The following SMS variants were observed in gnomAD, a reference collection of about 807,000 sequenced individuals.
The protein encoded by SMS is spermine synthase, also known as spermidine aminopropyltransferase.
In SMS, 3 loss-of-function variants were observed where a neutral mutation model predicts 33.0. That is an observed-to-expected ratio of 0.09 (90% CI 0.04 to 0.23). SMS has a LOEUF of 0.23. SMS is among the 10% of genes least tolerant of loss of function. The pLI is 1.00. For synonymous variants in SMS, 103 were observed against 112.2 expected (o/e 0.92, Z 0.52); for missense variants, 117 against 288.6 (o/e 0.41, Z 4.31).
At chrX:21,942,333 T>A (rs1297663846) in intron 1 of SMS, among the ~76,000 whole-genome samples, 1 of 111,220 alleles carries the variant, frequency 9.0e-6, no homozygotes, top group Non-Finnish European at 1.9e-5. Flanking sequence ...CACCTGGGTT[T>A]GAGTCTGGCT....
Position 21,940,887 on chromosome X carries a change from C to A in SMS, c.49+14C>A. 9.4e-7 allele frequency: 1 copy of A among 1,068,258 alleles called. No homozygotes were observed. Among genetic ancestry groups the A allele is most frequent in the Non-Finnish European group, 1.2e-6 (1 of 820,980 alleles). The allele number at this position is 1,068,258 out of a possible 1,213,427, so 88.0% of individuals were successfully genotyped here. Reference sequence around the variant, plus strand: ...TCGGCGCCAAAGGTGAGGGCGCCCGCCGCCACCTGCGTGGCCATCCCCGCC... The same window carrying A: ...TCGGCGCCAAAGGTGAGGGCGCCCGACGCCACCTGCGTGGCCATCCCCGCC... On this transcript the variant is annotated intron_variant, in intron 1 of 10. Coordinates refer to ENST00000404933, the MANE Select transcript of SMS (RefSeq NM_004595.5).
intron 3 of SMS, 116 bp from the exon 4 acceptor site, chrX:21,972,391 G>GAGGGACAGGTCAATCTTGC (rs1354979614): frequency 5.7e-6 from 3 of 530,365 alleles, no homozygotes; most frequent in Non-Finnish European, 1.0e-5. Context: ...AGGGTAGGAG[G>GAGGGACAGGTCAATCTTGC]AGGGACAGGT....
chrX:21,976,680 CTG>C (rs1924551968), intron 4 of SMS, among the ~76,000 whole-genome samples: 1 of 111,575 alleles, frequency 9.0e-6, no homozygotes, highest in African/African-American at 3.3e-5. Flanking sequence ...AAGATGGACT[CTG>C]TACTAGATAA....
intron 5 of SMS, 72 bp downstream of exon 5, chrX:21,977,308 A>G (rs749676344): frequency 1.6e-5 from 15 of 939,113 alleles, no homozygotes; most frequent in Middle Eastern, 2.6e-4. Flanking sequence ...TTTCCTGACA[A>G]TTACTACTGT....
At chrX:21,948,313 T>C (rs1922371271) in intron 1 of SMS, among the ~76,000 whole-genome samples, 1 of 111,133 alleles carries the variant, frequency 9.0e-6, no homozygotes, top group South Asian at 3.7e-4. Context: ...TTTAAGAAAT[T>C]GACTCCATAA....
intron 1 of SMS, among the ~76,000 whole-genome samples, chrX:21,944,546 GAAAA>G (rs57596639): frequency 1.5e-5 from 1 of 66,664 alleles, no homozygotes; most frequent in Non-Finnish European, 2.9e-5. Context: ...AAAAAAAAAA[GAAAA>G]AAAATTAGCC....
intron 1 of SMS, 32 bp from the exon 2 acceptor site, chrX:21,967,151 AACGTTTCTTTCTG>A: frequency 3.3e-6 from 4 of 1,200,106 alleles, no homozygotes; most frequent in Non-Finnish European, 4.5e-6. Context: ...CTTCCTTCTG[AACGTTTCTTTCTG>A]ACCATCTTGC....
intron 2 of SMS, 120 bp downstream of exon 2, chrX:21,967,436 G>A: frequency 1.3e-6 from 1 of 762,432 alleles, no homozygotes; most frequent in South Asian, 2.2e-5. Flanking sequence ...TTTTAGGATG[G>A]GAATGGAACT....
chrX:21,971,883 A>C lies in SMS; in HGVS notation c.171-14A>C. On this transcript the variant is annotated splice_polypyrimidine_tract_variant and intron_variant, in intron 2 of 10. Transcript: ENST00000404933. ...ATACAATTCTTAAGCTTAAAATTATATTTTCCTTTGTAGCTTTGCCAATTT... is the reference window on the plus strand; with the variant it reads ...ATACAATTCTTAAGCTTAAAATTATCTTTTCCTTTGTAGCTTTGCCAATTT... 9.0e-7 allele frequency: 1 copy of C among 1,116,096 alleles called. No individual in the cohort carries two copies. The highest frequency in any genetic ancestry group is 1.2e-6 in the Non-Finnish European group (1 of 810,662). The allele number at this position is 1,116,096 out of a possible 1,213,427, so 92.0% of individuals were successfully genotyped here.
At chrX:21,978,662 T>C (rs1924701031) in intron 6 of SMS, among the ~76,000 whole-genome samples, 1 of 112,431 alleles carries the variant, frequency 8.9e-6, no homozygotes, top group Non-Finnish European at 1.9e-5. Context: ...CCAAAATGGC[T>C]TCTCTAAAGC....
At chrX:21,966,184 G>T (rs1010631938) in intron 1 of SMS, among the ~76,000 whole-genome samples, 7 of 112,206 alleles carry the variant, frequency 6.2e-5, no homozygotes, top group African/African-American at 2.3e-4. Flanking sequence ...AAATCACACT[G>T]CAATCAGCTG....
chrX:21,977,887 C>T, intron 5 of SMS, 73 bp from the exon 6 acceptor site: 1 of 1,022,850 alleles, frequency 9.8e-7, no homozygotes, highest in Non-Finnish European at 1.4e-6. Context: ...GATCCCAGCT[C>T]TTCAGTGTGG....
At chrX:21,963,472 A>G (rs1347884999) in intron 1 of SMS, among the ~76,000 whole-genome samples, 1 of 112,546 alleles carries the variant, frequency 8.9e-6, no homozygotes, top group African/African-American at 3.2e-5. Context: ...GTAAGCCTAT[A>G]GTGTGGGAAC....
At chrX:21,983,402 A>ATT (rs60852980) in intron 7 of SMS, among the ~76,000 whole-genome samples, 194 of 105,245 alleles carry the variant, frequency 1.8e-3, no homozygotes, top group Admixed American at 6.7e-3. Flanking sequence ...TACTTAATGT[A>ATT]TTTTTTTTTT....
intron 1 of SMS, among the ~76,000 whole-genome samples, chrX:21,965,176 T>C (rs1036817053): frequency 8.9e-6 from 1 of 112,086 alleles, no homozygotes; most frequent in Non-Finnish European, 1.9e-5. Flanking sequence ...CTCAAGATCC[T>C]TAACTTAATT....
At chrX:21,987,240 G>A (rs1243407728) in intron 9 of SMS, among the ~76,000 whole-genome samples, 2 of 111,800 alleles carry the variant, frequency 1.8e-5, no homozygotes, top group Non-Finnish European at 1.9e-5. Context: ...CAGGTGATAC[G>A]CCCCCCTCGG....
At chrX:21,983,094 G>A (rs1257418325) in intron 7 of SMS, among the ~76,000 whole-genome samples, 1 of 111,258 alleles carries the variant, frequency 9.0e-6, no homozygotes, top group African/African-American at 3.3e-5. Flanking sequence ...GAGCACAGTG[G>A]TGCGCGATGA....
At chrX:21,948,094 C>T (rs1004637869) in intron 1 of SMS, among the ~76,000 whole-genome samples, 26 of 111,237 alleles carry the variant, frequency 2.3e-4, no homozygotes, top group African/African-American at 7.2e-4. Flanking sequence ...CTCATGTTGC[C>T]GGGAATTAGT....
intron 9 of SMS, among the ~76,000 whole-genome samples, chrX:21,988,443 A>G (rs901273717): frequency 9.1e-6 from 1 of 110,271 alleles, no homozygotes; most frequent in Non-Finnish European, 1.9e-5. Flanking sequence ...AGGCAGGAGG[A>G]TCACGAGATC....
Sources: gnomAD v4.1 joint callset for allele counts (sites outside exome capture counted in the v4.1 genomes callset) on GRCh38, gnomAD v4.1.1 for gene constraint, MANE v1.5 for transcripts, NCBI Gene and HGNC (gene_info 2026-07-23, HGNC 2026-07-21) for gene names.